Variants in UBE2L3 observed in about 807,000 individuals in gnomAD.
The protein encoded by UBE2L3 is ubiquitin conjugating enzyme E2 L3.
UBE2L3 carries 1 observed loss-of-function variant against 17.8 expected under a neutral mutation model. The ratio of observed to expected loss-of-function variants is 0.06; its 90% CI spans 0.02 to 0.27. The LOEUF is 0.27. Ranked by LOEUF, UBE2L3 falls within the 10% of genes least tolerant of loss-of-function variation. The pLI, the probability that UBE2L3 is intolerant of heterozygous loss-of-function variation, is 1.00. For missense variants in UBE2L3, 40 were observed against 192.6 expected, an observed-to-expected ratio of 0.21 and a Z score of 4.69; for synonymous variants, 44 against 68.5, an observed-to-expected ratio of 0.64 and a Z score of 1.76.
chr22:21,567,624 G>C, upstream of UBE2L3: 1 of 1,536,222 alleles, frequency 6.5e-7, no homozygotes, highest in South Asian at 1.2e-5. Flanking sequence ...CACACAGTAG[G>C]TGCTCCGCTC....
intron 3 of UBE2L3, among the ~76,000 whole-genome samples, chr22:21,618,657 A>G (rs968638731): frequency 6.6e-6 from 1 of 150,698 alleles, no homozygotes; most frequent in East Asian, 2.0e-4. Context: ...GCACAATCAC[A>G]GCTCACTACA....
At chr22:21,558,268 C>A (rs1280857370) in intron 1 of UBE2L3, among the ~76,000 whole-genome samples, 1 of 152,082 alleles carries the variant, frequency 6.6e-6, no homozygotes, top group Non-Finnish European at 1.5e-5. Flanking sequence ...AGGGTTTAAG[C>A]TTCCCATCCC....
intron 3 of UBE2L3, chr22:21,614,764 C>T: frequency 2.1e-6 from 1 of 470,724 alleles, no homozygotes; most frequent in East Asian, 1.5e-4. Context: ...AAAACATATG[C>T]CCAATAAAAA....
intron 3 of UBE2L3, among the ~76,000 whole-genome samples, chr22:21,611,307 T>A (rs1929461797): frequency 6.6e-6 from 1 of 152,204 alleles, no homozygotes; most frequent in Non-Finnish European, 1.5e-5. Context: ...GCCCAGTGGC[T>A]TGCTGCTGGT....
intron 1 of UBE2L3, among the ~76,000 whole-genome samples, chr22:21,582,028 G>T (rs1187346219): frequency 2.6e-5 from 4 of 151,182 alleles, no homozygotes; most frequent in Non-Finnish European, 4.4e-5. Flanking sequence ...GCTGAGGCAG[G>T]AGAATCGCTT....
intron 3 of UBE2L3, among the ~76,000 whole-genome samples, chr22:21,617,200 A>G (rs1929825734): frequency 6.6e-6 from 1 of 151,188 alleles, no homozygotes; most frequent in Non-Finnish European, 1.5e-5. Context: ...TATAGGCTTT[A>G]TTCTCTGATG....
At chr22:21,603,397 G>A (rs764054514) in intron 2 of UBE2L3, among the ~76,000 whole-genome samples, 1 of 151,920 alleles carries the variant, frequency 6.6e-6, no homozygotes, top group Non-Finnish European at 1.5e-5. Context: ...GAGAGTTGTG[G>A]TGCATGCCTG....
At chr22:21,609,190 C>T (rs972489912) in intron 2 of UBE2L3, among the ~76,000 whole-genome samples, 13 of 152,332 alleles carry the variant, frequency 8.5e-5, no homozygotes, top group Middle Eastern at 3.4e-3. Flanking sequence ...AGCCACCGCG[C>T]CCGGCCGGCA....
chr22:21,612,097 T>C (rs533944244), intron 3 of UBE2L3, among the ~76,000 whole-genome samples: 1 of 152,204 alleles, frequency 6.6e-6, no homozygotes, highest in South Asian at 2.1e-4. Flanking sequence ...GAAAAAAGCC[T>C]TGGAAGGTGG....
chr22:21,621,711 C>T lies in UBE2L3; in HGVS notation c.*42C>T, dbSNP rs760175697. On this transcript the variant is annotated 3_prime_UTR_variant, in exon 4 of 4. Transcript: ENST00000342192. ...TTCCAGCAAGTGTGAGCAGAGACCC[C>T]GTGCAGTGCATTCAGACACCCCGCA... is the stretch of plus-strand genomic sequence containing the variant. 74 of 1,465,522 alleles carry T rather than the reference C, an allele frequency of 5.0e-5. No homozygotes were observed. The highest frequency in any genetic ancestry group is 4.6e-4 in the East Asian group (20 of 43,240). The allele number at this position is 1,465,522 out of a possible 1,614,324, so 90.8% of individuals were successfully genotyped here.
At chr22:21,604,029 G>A (rs542611578) in intron 2 of UBE2L3, among the ~76,000 whole-genome samples, 3 of 150,218 alleles carry the variant, frequency 2.0e-5, no homozygotes, top group South Asian at 2.1e-4. Context: ...CTCCCACCTC[G>A]GCCTTCCAAA....
At chr22:21,606,331 GGT>G (rs1208292662) in intron 2 of UBE2L3, among the ~76,000 whole-genome samples, 9 of 151,188 alleles carry the variant, frequency 6.0e-5, no homozygotes, top group African/African-American at 1.5e-4. Context: ...GTGTGTGTGT[GGT>G]GTGTGTGTGT....
chr22:21,615,510 A>G (rs913264984), intron 3 of UBE2L3, among the ~76,000 whole-genome samples: 18 of 150,618 alleles, frequency 1.2e-4, no homozygotes, highest in Admixed American at 6.6e-4. Flanking sequence ...AGCCGAGATC[A>G]CGCCACTGCA....
intron 1 of UBE2L3, among the ~76,000 whole-genome samples, chr22:21,558,548 G>A (rs1343819384): frequency 1.1e-4 from 17 of 151,512 alleles, no homozygotes; most frequent in East Asian, 2.0e-4. Flanking sequence ...GGAGAATGGC[G>A]TGAACCCGGG....
intron 1 of UBE2L3, among the ~76,000 whole-genome samples, chr22:21,575,074 T>C (rs746254658): frequency 1.3e-5 from 2 of 151,040 alleles, no homozygotes; most frequent in African/African-American, 4.9e-5. Context: ...CTGGTCAACA[T>C]GGTGAAACCC....
At chr22:21,563,141 C>T (rs529024431), upstream of UBE2L3, among the ~76,000 whole-genome samples, 1 of 150,758 alleles carries the variant, frequency 6.6e-6, no homozygotes, top group East Asian at 2.0e-4. Context: ...ACTCGGGAGG[C>T]TGGGGCAGGA....
At chr22:21,604,295 T>A (rs1248507398) in intron 2 of UBE2L3, among the ~76,000 whole-genome samples, 1 of 151,974 alleles carries the variant, frequency 6.6e-6, no homozygotes, top group Non-Finnish European at 1.5e-5. Flanking sequence ...GCTCAGGAGT[T>A]CAAGACCATC....
At chr22:21,591,497 C>T (rs190119186) in intron 1 of UBE2L3, among the ~76,000 whole-genome samples, 1 of 152,352 alleles carries the variant, frequency 6.6e-6, no homozygotes, top group Admixed American at 6.5e-5. Context: ...TGCACTCTCC[C>T]TCTCTGCTGC....
chr22:21,567,667 C>T (rs751144736), upstream of UBE2L3: 1 of 1,549,800 alleles, frequency 6.5e-7, no homozygotes, highest in East Asian at 2.4e-5. Flanking sequence ...GCCCCTCCCC[C>T]GCTCCAGGAA....
Sources: allele counts gnomAD v4.1 joint callset (sites outside exome capture counted in the v4.1 genomes callset), GRCh38; gene constraint gnomAD v4.1.1; transcripts MANE v1.5; gene names NCBI Gene and HGNC (gene_info 2026-07-23, HGNC 2026-07-21).